RANBP17: variants seen among roughly 807,000 people sequenced by gnomAD.
RANBP17 encodes the protein RAN binding protein 17.
A neutral mutation model predicts 141.2 loss-of-function variants in RANBP17; 158 were observed. That is an observed-to-expected ratio of 1.12 (90% CI 0.98 to 1.28). The LOEUF is 1.28. Among genes scored for constraint, RANBP17 ranks in the 50% most tolerant of loss-of-function variants. RANBP17 has a pLI of 0.00. For synonymous variants in RANBP17, 430 were observed against 450.0 expected (o/e 0.96, Z 0.56); for missense variants, 1,438 against 1,290.7 (o/e 1.11, Z -1.75).
rs9686295 is a variant in RANBP17 at position 171,086,446 on chromosome 5, A to T, written c.1711-83684A>T. 1.6e-4 allele frequency among the ~76,000 whole-genome samples: 23 copies of T among 148,308 alleles called. 1 individual carries two copies. In the South Asian group the frequency reaches 2.5e-3, roughly 16 times the overall value. On this transcript the variant is annotated intron_variant, in intron 14 of 27. Coordinates refer to ENST00000523189, the MANE Select transcript of RANBP17 (RefSeq NM_022897.5). ...TTCTCTTTTTGGTTGTGTCTCTGCC[A>T]GGCTTTGGTATCAGAATGATGCTGG...
chr5:171,053,851 T>G (rs1783135642), intron 14 of RANBP17, among the ~76,000 whole-genome samples: 1 of 143,464 alleles, frequency 7.0e-6, no homozygotes, highest in Non-Finnish European at 1.5e-5. Flanking sequence ...TAGCTTTTTT[T>G]CCTTCAAATC....
Position 171,064,061 on chromosome 5 carries a change from T to C in RANBP17, c.1710+95684T>C, listed in dbSNP as rs1390048461. Among the ~76,000 whole-genome samples the C allele has an allele frequency of 2.6e-5, 4 of 152,354 alleles. No individual in the cohort carries two copies. In the East Asian group the frequency reaches 7.7e-4, roughly 29 times the overall value. ...AGTGACCCGATTTTCCAGGTGCTGTTTGTCACCCCTTTCTTTGACTAGGAA... is the reference window on the plus strand; with the variant it reads ...AGTGACCCGATTTTCCAGGTGCTGTCTGTCACCCCTTTCTTTGACTAGGAA... On this transcript the variant is annotated intron_variant, in intron 14 of 27. Coordinates refer to ENST00000523189, the MANE Select transcript of RANBP17 (RefSeq NM_022897.5).
At chr5:171,152,491 C>G (rs1758562873) in intron 14 of RANBP17, among the ~76,000 whole-genome samples, 1 of 151,854 alleles carries the variant, frequency 6.6e-6, no homozygotes, top group African/African-American at 2.4e-5. Context: ...ACAATGTAGT[C>G]AGACAAATCT....
chr5:171,128,202 A>G (rs1237520364), intron 14 of RANBP17, among the ~76,000 whole-genome samples: 15 of 152,214 alleles, frequency 9.9e-5, no homozygotes, highest in Admixed American at 9.8e-4. Context: ...CTGTACATTC[A>G]TGTTTACTGC....
At chr5:171,046,439 A>T (rs1782595915) in intron 14 of RANBP17, among the ~76,000 whole-genome samples, 1 of 150,910 alleles carries the variant, frequency 6.6e-6, no homozygotes. Flanking sequence ...TGATGTCTTG[A>T]CCTCGTGATC....
In RANBP17 at chr5:171,298,902, C is replaced by T. The variant is rs1235058172; in HGVS notation, c.*44C>T. On this transcript the variant is annotated 3_prime_UTR_variant, in exon 28 of 28. Coordinates refer to ENST00000523189, the MANE Select transcript of RANBP17 (RefSeq NM_022897.5). Reference sequence around the variant, plus strand: ...GTGCGGAGCAGCCTTTATCAAGAGACTCCTGAAGGTCTGGGTCTCAGGACA... The same window carrying T: ...GTGCGGAGCAGCCTTTATCAAGAGATTCCTGAAGGTCTGGGTCTCAGGACA... The T allele has an allele frequency of 4.8e-6, 7 of 1,472,770 alleles. No individual in the cohort carries two copies. Among genetic ancestry groups the T allele is most frequent in the Non-Finnish European group, 5.7e-6 (6 of 1,052,418 alleles). The allele number at this position is 1,472,770 out of a possible 1,614,324, so 91.2% of individuals were successfully genotyped here.
intron 5 of RANBP17, among the ~76,000 whole-genome samples, chr5:170,907,580 T>C (rs1205846757): frequency 6.6e-6 from 1 of 151,984 alleles, no homozygotes; most frequent in Admixed American, 6.6e-5. Context: ...ATATTATGGA[T>C]ATGATGAGAG....
intron 1 of RANBP17, among the ~76,000 whole-genome samples, chr5:170,871,371 G>A (rs540027033): frequency 9.9e-5 from 15 of 152,098 alleles, no homozygotes; most frequent in Admixed American, 7.9e-4. Flanking sequence ...CTTTTTGATG[G>A]GGTTGTTTTT....
chr5:171,053,685 T>C (rs1311361164), intron 14 of RANBP17, among the ~76,000 whole-genome samples: 1 of 151,388 alleles, frequency 6.6e-6, no homozygotes, highest in African/African-American at 2.4e-5. Flanking sequence ...TTGTTTTTTT[T>C]CCCCACTCTG....
intron 5 of RANBP17, 64 bp downstream of exon 5, chr5:170,896,179 C>A: frequency 1.7e-6 from 2 of 1,181,292 alleles, no homozygotes; most frequent in Non-Finnish European, 1.2e-6. Flanking sequence ...TTCTTTTCTG[C>A]TTTTATTTGT....
chr5:170,886,509 G>A (rs577941602), intron 3 of RANBP17, among the ~76,000 whole-genome samples: 1 of 152,236 alleles, frequency 6.6e-6, no homozygotes, highest in Non-Finnish European at 1.5e-5. Context: ...CTAAGCGTGT[G>A]TGTAAGTTTT....
At chr5:170,968,457 G>C in intron 14 of RANBP17, 80 bp downstream of exon 14, 1 of 1,311,810 alleles carries the variant, frequency 7.6e-7, no homozygotes. Flanking sequence ...GATATATTTG[G>C]GAAATTTCTA....
intron 16 of RANBP17, among the ~76,000 whole-genome samples, chr5:171,178,461 A>G (rs1760658061): frequency 6.6e-6 from 1 of 152,104 alleles, no homozygotes; most frequent in African/African-American, 2.4e-5. Flanking sequence ...TGCTATTGTG[A>G]ATAGTGCTGC....
At chr5:171,103,806 C>T (rs981714405) in intron 14 of RANBP17, among the ~76,000 whole-genome samples, 1 of 152,134 alleles carries the variant, frequency 6.6e-6, no homozygotes, top group African/African-American at 2.4e-5. Context: ...TGGAGTGCAC[C>T]GTTCCTCAAG....
intron 14 of RANBP17, among the ~76,000 whole-genome samples, chr5:171,077,482 G>C (rs1785005478): frequency 1.3e-5 from 2 of 152,164 alleles, no homozygotes; most frequent in Non-Finnish European, 2.9e-5. Context: ...GAACAAGACA[G>C]GTTGTTCAAT....
At chr5:170,936,140 G>T (rs979776330) in intron 12 of RANBP17, among the ~76,000 whole-genome samples, 8 of 152,152 alleles carry the variant, frequency 5.3e-5, no homozygotes, top group African/African-American at 1.4e-4. Context: ...TAAGGCCATT[G>T]GAAAAGCGCA....
chr5:171,076,693 G>A (rs983483762), intron 14 of RANBP17, among the ~76,000 whole-genome samples: 1 of 152,116 alleles, frequency 6.6e-6, no homozygotes, highest in Non-Finnish European at 1.5e-5. Context: ...GGCCAAAGAG[G>A]GGGATGCAGA....
intron 13 of RANBP17, among the ~76,000 whole-genome samples, chr5:170,956,683 C>G (rs928310110): frequency 4.0e-5 from 6 of 151,408 alleles, no homozygotes; most frequent in Admixed American, 2.6e-4. Flanking sequence ...CTCTTGACCT[C>G]GGGTGATCTG....
intron 18 of RANBP17, among the ~76,000 whole-genome samples, chr5:171,190,242 T>G (rs887657100): frequency 6.6e-6 from 1 of 152,234 alleles, no homozygotes; most frequent in Non-Finnish European, 1.5e-5. Context: ...TTTTGGTTTC[T>G]ACTCAGTGAT....
Sources: allele counts gnomAD v4.1 joint callset (sites outside exome capture counted in the v4.1 genomes callset), GRCh38; gene constraint gnomAD v4.1.1; transcripts MANE v1.5; gene names NCBI Gene and HGNC (gene_info 2026-07-23, HGNC 2026-07-21).